Variants in PCDHAC2 observed in about 807,000 individuals in gnomAD.
PCDHAC2 encodes the protein protocadherin alpha subfamily C, 2.
PCDHAC2 carries 24 observed loss-of-function variants against 63.3 expected under a neutral mutation model. That is an observed-to-expected ratio of 0.38 (90% confidence interval 0.27 to 0.53). The LOEUF (loss-of-function observed/expected upper bound fraction) is 0.53, where lower values mean the gene tolerates loss of function less well. Among genes scored for constraint, PCDHAC2 ranks in the 20% least tolerant of loss-of-function variants. PCDHAC2 has a pLI of 0.81. For synonymous variants in PCDHAC2, 569 were observed against 529.4 expected (o/e 1.07, Z -1.03); for missense variants, 1,181 against 1,275.2 (o/e 0.93, Z 1.12).
intron 3 of PCDHAC2, among the ~76,000 whole-genome samples, chr5:141,007,425 A>G (rs369535619): frequency 6.6e-4 from 98 of 148,834 alleles, no homozygotes; most frequent in African/African-American, 2.3e-3. Context: ...AAAATTAGCC[A>G]GGCATGGTGG....
intron 3 of PCDHAC2, among the ~76,000 whole-genome samples, chr5:140,996,316 A>C (rs2153939037): frequency 6.6e-6 from 1 of 152,250 alleles, no homozygotes; most frequent in African/African-American, 2.4e-5. Context: ...GTAAGGGGGG[A>C]GGGTAGAGAA....
At chr5:140,974,098 T>C (rs1316262429) in intron 1 of PCDHAC2, among the ~76,000 whole-genome samples, 1 of 152,262 alleles carries the variant, frequency 6.6e-6, no homozygotes, top group Non-Finnish European at 1.5e-5. Flanking sequence ...AATCAAAGGT[T>C]AAAAGTATTC....
In PCDHAC2 at chr5:140,967,934, A is replaced by G. The variant is rs781977227; in HGVS notation, c.1168A>G (p.Asn390Asp). ...CACCATTGTGGCCGTTCTCAGTGTC[A>G]ATGACCAAGACTCAGGCCCCAACCG... ...PNTIVAVLSV[N>D]DQDSGPNRKV... Residue 390 changes from asparagine (N) to aspartate (D), a missense_variant, in exon 1 of 4, where the codon AAT becomes GAT. Asn to Asp is a conservative substitution (Grantham distance 23, BLOSUM62 1). Coordinates refer to ENST00000289269, the MANE Select transcript of PCDHAC2 (RefSeq NM_018899.6). 2.5e-6 allele frequency: 4 copies of G among 1,614,172 alleles called. No homozygotes were observed. The highest frequency in any genetic ancestry group is 2.5e-6 in the Non-Finnish European group (3 of 1,180,026).
At chr5:140,996,697 C>T (rs559736986) in intron 3 of PCDHAC2, among the ~76,000 whole-genome samples, 1 of 152,236 alleles carries the variant, frequency 6.6e-6, no homozygotes, top group East Asian at 1.9e-4. Flanking sequence ...TCTTCTGAAC[C>T]TCTATCTCTT....
intron 1 of PCDHAC2, among the ~76,000 whole-genome samples, chr5:140,972,762 A>G (rs1048509158): frequency 4.7e-5 from 7 of 150,026 alleles, no homozygotes; most frequent in African/African-American, 1.7e-4. Context: ...CTCCCAAGTT[A>G]AAGTGATTCT....
chr5:141,001,360 A>G (rs1432580617), intron 3 of PCDHAC2, among the ~76,000 whole-genome samples: 2 of 152,212 alleles, frequency 1.3e-5, no homozygotes, highest in Non-Finnish European at 2.9e-5. Flanking sequence ...GTTTAAGCCT[A>G]CTATTCTGAT....
At position 140,969,342 on chromosome 5, in the gene PCDHAC2, G is replaced by T. The variant is rs1216517284; in HGVS notation, c.2565+11G>T. 2 of 1,613,512 alleles carry T rather than the reference G, an allele frequency of 1.2e-6. No individual in the cohort carries two copies. Among genetic ancestry groups the T allele is most frequent in the Non-Finnish European group, 1.7e-6 (2 of 1,179,828 alleles). The stretch of plus-strand genomic sequence containing the variant: ...GTTTCTCAAAATGAGGTGAGACAGT[G>T]GTCAGGGGGTCTTCTACAAACTCAT... On this transcript the variant is annotated intron_variant, in intron 1 of 3. Coordinates refer to ENST00000289269, the MANE Select transcript of PCDHAC2 (RefSeq NM_018899.6).
At chr5:141,008,557 T>G (rs1394611167) in intron 3 of PCDHAC2, among the ~76,000 whole-genome samples, 3 of 152,218 alleles carry the variant, frequency 2.0e-5, no homozygotes, top group African/African-American at 7.2e-5. Flanking sequence ...CTCCTGTGGA[T>G]GCATAATCAT....
At chr5:141,000,415 A>AT (rs1563651650) in intron 3 of PCDHAC2, among the ~76,000 whole-genome samples, 6 of 87,394 alleles carry the variant, frequency 6.9e-5, no homozygotes, top group African/African-American at 1.5e-4. Flanking sequence ...ATATATATAT[A>AT]TATATATTTT....
At chr5:141,006,238 G>T (rs1298883912) in intron 3 of PCDHAC2, among the ~76,000 whole-genome samples, 1 of 151,428 alleles carries the variant, frequency 6.6e-6, no homozygotes, top group East Asian at 1.9e-4. Flanking sequence ...TTTAGATGGA[G>T]TCTTGCTCTG....
chr5:140,988,516 G>A (rs1226381986), intron 3 of PCDHAC2, among the ~76,000 whole-genome samples: 1 of 152,156 alleles, frequency 6.6e-6, no homozygotes, highest in African/African-American at 2.4e-5. Flanking sequence ...GCTTACTTAA[G>A]TCTCTGCTGG....
chr5:140,968,062 G>A lies in PCDHAC2; in HGVS notation c.1296G>A (p.Val432=). The change falls in exon 1 of 4, where the codon GTG becomes GTA. Residue 432 remains valine (V), a synonymous_variant. Coordinates refer to ENST00000289269, the MANE Select transcript of PCDHAC2 (RefSeq NM_018899.6). ...VVSGPLDRER[V]AVYNITVTAT... is the part of the protein sequence containing the mutation. ...GCGGCCCACTGGACCGAGAGCGGGT[G>A]GCTGTCTACAACATCACGGTGACAG... 1.2e-6 allele frequency: 2 copies of A among 1,614,120 alleles called. No homozygotes were observed. Among genetic ancestry groups the A allele is most frequent in the Non-Finnish European group, 1.7e-6 (2 of 1,180,012 alleles).
intron 3 of PCDHAC2, among the ~76,000 whole-genome samples, chr5:140,994,851 A>C (rs1178274121): frequency 1.3e-5 from 2 of 149,076 alleles, no homozygotes; most frequent in African/African-American, 5.2e-5. Flanking sequence ...AGATGAGTGC[A>C]TTTGATGGAT....
intron 3 of PCDHAC2, among the ~76,000 whole-genome samples, chr5:140,986,050 T>G (rs1221001446): frequency 6.6e-6 from 1 of 152,226 alleles, no homozygotes; most frequent in Non-Finnish European, 1.5e-5. Flanking sequence ...CACTGATGAA[T>G]TCTTTTGCTT....
At chr5:141,009,257 C>T (rs1375950001) in intron 3 of PCDHAC2, among the ~76,000 whole-genome samples, 1 of 152,136 alleles carries the variant, frequency 6.6e-6, no homozygotes, top group East Asian at 1.9e-4. Flanking sequence ...GTGTTTGAGA[C>T]CAGCCTGGGC....
intron 1 of PCDHAC2, among the ~76,000 whole-genome samples, chr5:140,978,377 G>GT (rs1554239246): frequency 6.6e-6 from 1 of 152,212 alleles, no homozygotes; most frequent in Non-Finnish European, 1.5e-5. Context: ...GCAATAGTTT[G>GT]TTTTCCTCTC....
intron 3 of PCDHAC2, among the ~76,000 whole-genome samples, chr5:141,008,156 G>A (rs1231186640): frequency 6.6e-6 from 1 of 152,150 alleles, no homozygotes; most frequent in Non-Finnish European, 1.5e-5. Context: ...GGTTTGATAA[G>A]ATGAGGACTA....
chr5:141,001,387 C>T (rs1282982040), intron 3 of PCDHAC2, among the ~76,000 whole-genome samples: 3 of 152,188 alleles, frequency 2.0e-5, no homozygotes, highest in African/African-American at 7.2e-5. Context: ...GCCTAAGATC[C>T]TACAGAGAAC....
At position 140,969,066 on chromosome 5, in the gene PCDHAC2, G is replaced by A. The variant is rs2096292938; in HGVS notation, c.2300G>A (p.Arg767Lys). 2 of 1,614,144 alleles carry A rather than the reference G, an allele frequency of 1.2e-6. No individual in the cohort carries two copies. Among genetic ancestry groups the A allele is most frequent in the Admixed American group, 3.3e-5 (2 of 60,018 alleles). The change falls in exon 1 of 4, where the codon AGG becomes AAG. Residue 767 changes from arginine to lysine, a missense_variant. Coordinates refer to ENST00000289269, the MANE Select transcript of PCDHAC2 (RefSeq NM_018899.6). ...CAAGCCAACAACAATATTGATGCCA[G>A]GATACCGCATGGCCTCAAAGTGCAG... is the stretch of plus-strand genomic sequence containing the variant. ...YKQANNNIDARIPHGLKVQPH... is the reference protein window; with the variant it reads ...YKQANNNIDAKIPHGLKVQPH...
Sources: gnomAD v4.1 joint callset for allele counts (sites outside exome capture counted in the v4.1 genomes callset) on GRCh38, gnomAD v4.1.1 for gene constraint, MANE v1.5 for transcripts, NCBI Gene and HGNC (gene_info 2026-07-23, HGNC 2026-07-21) for gene names.